Variants in MAPK6 observed in about 807,000 individuals in gnomAD.
MAPK6 encodes ERK-3.
In MAPK6, 19 loss-of-function variants were observed where a neutral mutation model predicts 59.3. The ratio of observed to expected loss-of-function variants is 0.32; its 90% CI spans 0.22 to 0.47. The LOEUF (loss-of-function observed/expected upper bound fraction) is 0.47. Ranked by LOEUF, MAPK6 falls within the 20% of genes least tolerant of loss-of-function variation. The pLI, the probability that MAPK6 is intolerant of heterozygous loss-of-function variation, is 1.00. For synonymous variants in MAPK6, 316 were observed against 290.3 expected (o/e 1.09, Z -0.90); for missense variants, 724 against 847.9 (o/e 0.85, Z 1.81).
rs1239845584 is a variant in MAPK6 at position 52,061,310 on chromosome 15, C to T, written c.877C>T (p.Leu293=). Residue 293 remains leucine, a synonymous_variant, in exon 5 of 6, where the codon CTG becomes TTG. Transcript: ENST00000261845. ...CTTTTCCTCTGCAGCACTGGATTTCCTGGAACAAATTTTGACATTTAGCCC... is the reference window on the plus strand; with the variant it reads ...CTTTTCCTCTGCAGCACTGGATTTCTTGGAACAAATTTTGACATTTAGCCC... The part of the protein sequence containing the change: ...PGISREALDF[L]EQILTFSPMD... 1 of 1,613,818 alleles carries T rather than the reference C, an allele frequency of 6.2e-7. No homozygotes were observed. Among genetic ancestry groups the T allele is most frequent in the Non-Finnish European group, 8.5e-7 (1 of 1,179,890 alleles).
intron 3 of MAPK6, among the ~76,000 whole-genome samples, chr15:52,008,983 G>A (rs546987174): frequency 2.0e-5 from 3 of 152,290 alleles, no homozygotes; most frequent in East Asian, 3.9e-4. Flanking sequence ...GCAGGATTGT[G>A]GAAGGCAGAC....
chr15:51,986,452 T>C (rs1422995481), intron 2 of MAPK6, among the ~76,000 whole-genome samples: 2 of 152,146 alleles, frequency 1.3e-5, no homozygotes, highest in African/African-American at 2.4e-5. Context: ...AAAATGTACA[T>C]GGAGTTTGCA....
intron 4 of MAPK6, among the ~76,000 whole-genome samples, chr15:52,060,298 A>G (rs990418542): frequency 2.6e-5 from 4 of 152,202 alleles, no homozygotes; most frequent in Non-Finnish European, 2.9e-5. Context: ...TTGGCTTGAG[A>G]GAGAAAGGCC....
rs111734623 is a variant in MAPK6, at chr15:51,977,282, C to T, written c.-880+5376C>T. On this transcript the variant is annotated intron_variant, in intron 1 of 7. Transcript: ENST00000691380. The stretch of plus-strand genomic sequence containing the variant: ...CCTCACTAAGTGCTAGGATTACAGA[C>T]GTGAGCCACTGCGCCCGGCCGATCC... Among the ~76,000 whole-genome samples the T allele has an allele frequency of 7.5e-3, 1,133 of 151,698 alleles. 21 individuals carry two copies. Among genetic ancestry groups the T allele is most frequent in the African/African-American group, 0.026 (1,089 of 41,484 alleles).
rs186177613 is a variant in MAPK6, at chr15:52,032,129, C to T, written c.-632+12753C>T. On this transcript the variant is annotated intron_variant, in intron 1 of 5. Transcript: ENST00000261845. ...GACCTCATGATCCGCCTGCCTCGGC[C>T]TCCCAAAGTGCTGGGATTACAGGCG... 3.4e-3 allele frequency among the ~76,000 whole-genome samples: 512 copies of T among 151,882 alleles called. 4 individuals carry two copies. The highest frequency in any genetic ancestry group is 0.012 in the African/African-American group (494 of 41,410).
intron 1 of MAPK6, among the ~76,000 whole-genome samples, chr15:52,044,044 G>C (rs879578757): frequency 3.9e-5 from 6 of 152,082 alleles, no homozygotes; most frequent in Admixed American, 1.3e-4. Flanking sequence ...AAAGTGTTGG[G>C]ATTACAGGCG....
intron 1 of MAPK6, among the ~76,000 whole-genome samples, chr15:52,028,688 G>T (rs2030910209): frequency 6.6e-6 from 1 of 152,104 alleles, no homozygotes; most frequent in South Asian, 2.1e-4. Context: ...CAACACTATT[G>T]GACAGCACTA....
Position 52,064,042 on chromosome 15 carries a change from A to C in MAPK6, c.1208A>C (p.Asp403Ala). 1 of 1,613,808 alleles carries C rather than the reference A, an allele frequency of 6.2e-7. No homozygotes were observed. The highest frequency in any genetic ancestry group is 8.5e-7 in the Non-Finnish European group (1 of 1,179,778). The change falls in exon 6 of 6, where the codon GAT (aspartate) becomes GCT (alanine). Residue 403 changes from aspartate to alanine, a missense_variant. By Grantham distance (126) the Asp-to-Ala change is moderately radical. Coordinates refer to ENST00000261845, the MANE Select transcript of MAPK6 (RefSeq NM_002748.4). Reference protein sequence around the residue: ...EVQVDPRKYLDGDREKYLEDP... With the variant: ...EVQVDPRKYLAGDREKYLEDP... ...CAAGTTGATCCCCGAAAATATTTGG[A>C]TGGAGATCGGGAAAAGTATCTGGAG...
intron 3 of MAPK6, 77 bp downstream of exon 3, chr15:52,050,214 A>G: frequency 1.6e-6 from 2 of 1,268,302 alleles, no homozygotes; most frequent in Middle Eastern, 1.9e-4. Flanking sequence ...AGATTCATAT[A>G]AGATTTAAAA....
intron 1 of MAPK6, among the ~76,000 whole-genome samples, chr15:52,044,241 C>T (rs992286396): frequency 2.6e-5 from 4 of 151,992 alleles, no homozygotes; most frequent in Middle Eastern, 3.4e-3. Flanking sequence ...CAGGAGAAGC[C>T]GTTTCTGTTA....
At chr15:51,990,242 G>A (rs934686882) in intron 2 of MAPK6, among the ~76,000 whole-genome samples, 2 of 152,086 alleles carry the variant, frequency 1.3e-5, no homozygotes, top group Non-Finnish European at 2.9e-5. Flanking sequence ...AGTTAATAGG[G>A]AAAAAAATAC....
At chr15:51,982,329 A>G (rs1294773582) in intron 1 of MAPK6, among the ~76,000 whole-genome samples, 2 of 152,174 alleles carry the variant, frequency 1.3e-5, no homozygotes, top group African/African-American at 4.8e-5. Flanking sequence ...AGTATATTTC[A>G]TCTCACCCAC....
chr15:52,062,235 C>T (rs1422908678), intron 5 of MAPK6, among the ~76,000 whole-genome samples: 1 of 151,736 alleles, frequency 6.6e-6, no homozygotes, highest in East Asian at 1.9e-4. Flanking sequence ...TTATGTTGGC[C>T]AGGCTGGTCT....
intron 3 of MAPK6, among the ~76,000 whole-genome samples, chr15:52,014,083 T>C (rs1055181427): frequency 3.3e-5 from 5 of 151,032 alleles, no homozygotes; most frequent in Admixed American, 2.6e-4. Flanking sequence ...TTTTTTTTTT[T>C]CCAGATACTA....
intron 1 of MAPK6, among the ~76,000 whole-genome samples, chr15:52,024,366 A>G (rs1338678467): frequency 6.6e-6 from 1 of 151,662 alleles, no homozygotes; most frequent in Non-Finnish European, 1.5e-5. Context: ...CTACGGTCCT[A>G]CTGAATTAGA....
intron 1 of MAPK6, among the ~76,000 whole-genome samples, chr15:52,020,618 A>G (rs2030488525): frequency 6.6e-6 from 1 of 152,222 alleles, no homozygotes; most frequent in South Asian, 2.1e-4. Flanking sequence ...AACGCTGGAA[A>G]ACTGAGATGG....
intron 2 of MAPK6, among the ~76,000 whole-genome samples, chr15:52,049,646 C>T (rs142528791): frequency 2.2e-4 from 31 of 141,288 alleles, no homozygotes; most frequent in African/African-American, 7.6e-4. Context: ...TGGAGTTTAG[C>T]TCTTGTTGCC....
upstream of MAPK6, chr15:52,017,675 T>A (rs1416517265): frequency 6.6e-6 from 1 of 152,254 alleles, no homozygotes; most frequent in African/African-American, 2.4e-5. Flanking sequence ...CCACAGGAAG[T>A]CAGCAGTGAC....
At chr15:51,989,079 A>ATT (rs201759381) in intron 2 of MAPK6, among the ~76,000 whole-genome samples, 97 of 133,000 alleles carry the variant, frequency 7.3e-4, no homozygotes, top group African/African-American at 2.5e-3. Context: ...AAAATCCATA[A>ATT]TTTTTTTTTT....
Sources: allele counts gnomAD v4.1 joint callset (sites outside exome capture counted in the v4.1 genomes callset), GRCh38; gene constraint gnomAD v4.1.1; transcripts MANE v1.5; gene names NCBI Gene and HGNC (gene_info 2026-07-23, HGNC 2026-07-21).